The following DCHS1 variants were observed in gnomAD, a reference collection of about 807,000 sequenced individuals.
DCHS1 encodes the protein dachsous cadherin-related 1.
DCHS1 carries 78 observed loss-of-function variants against 213.9 expected under a neutral mutation model. That is an observed-to-expected ratio of 0.36 (90% confidence interval 0.30 to 0.44). DCHS1 has a LOEUF of 0.44. DCHS1 is among the 20% of genes least tolerant of loss of function. The pLI is 1.00. For synonymous variants in DCHS1, 1,828 were observed against 1,873.7 expected, an observed-to-expected ratio of 0.98 and a Z score of 0.63; for missense variants, 3,946 against 4,395.9, an observed-to-expected ratio of 0.90 and a Z score of 2.89.
At chr11:6,629,628 T>C in intron 11 of DCHS1, 44 bp downstream of exon 11, 1 of 1,612,936 alleles carries the variant, frequency 6.2e-7, no homozygotes, top group Non-Finnish European at 8.5e-7. Flanking sequence ...TGCTGTTTCT[T>C]GCCCCAGTCC....
chr11:6,624,085 A>G lies in DCHS1; in HGVS notation c.7591T>C (p.Phe2531Leu), dbSNP rs771287770. 1 of 1,612,684 alleles carries G rather than the reference A, an allele frequency of 6.2e-7. No homozygotes were observed. The highest frequency in any genetic ancestry group is 2.2e-5 in the East Asian group (1 of 44,874). Residue 2531 changes from phenylalanine (F) to leucine (L), a missense_variant, in exon 21 of 21, where the codon TTC becomes CTC. Physicochemically the swap from Phe to Leu is conservative, Grantham distance 22. Coordinates refer to ENST00000299441, the MANE Select transcript of DCHS1 (RefSeq NM_003737.4). ...SIISGNWGRV[F>L]QLEPRLAEAG... ...TCAGCCAGCCTGGGTTCCAGCTGGA[A>G]GACTCGGCCCCAGTTGCCACTGATG...
chr11:6,623,046 G>T lies in DCHS1; in HGVS notation c.8630C>A (p.Pro2877Gln). 1 of 1,576,596 alleles carries T rather than the reference G, an allele frequency of 6.3e-7. No homozygotes were observed. The highest frequency in any genetic ancestry group is 8.6e-7 in the Non-Finnish European group (1 of 1,161,566). The change falls in exon 21 of 21, where the codon CCA becomes CAA. Residue 2877 changes from proline to glutamine, a missense_variant. Transcript: ENST00000299441. The part of the protein sequence containing the change: ...ALYLRVDSRA[P>Q]GSGTATSGGG... Reference sequence around the variant, plus strand: ...CCCAGAGGTGGCTGTTCCGCTGCCTGGTGCCCGACTGTCCACCCGCAGGTA... The same window carrying T: ...CCCAGAGGTGGCTGTTCCGCTGCCTTGTGCCCGACTGTCCACCCGCAGGTA...
At position 6,640,760 on chromosome 11, in the gene DCHS1, C is replaced by G. The variant is rs775149988; in HGVS notation, c.854G>C (p.Gly285Ala). Residue 285 changes from glycine (G) to alanine (A), a missense_variant, in exon 2 of 21, where the codon GGT becomes GCT. Around this residue, in one of 3 missense-constraint regions of DCHS1, gnomAD observed 3,384 missense variants for 3,780.1 expected, o/e 0.90. Transcript: ENST00000299441. This position sits in a 1 kb window ranked among gnomAD's most constrained non-coding sequence, Gnocchi z 6.5. ...CTCGTAAGTCACAGCCCCATTGACA[C>G]CAGCATCGGCATCAGATGCGAACAC... ...LQVFASDADA[G>A]VNGAVTYEIN... 2 of 1,614,042 alleles carry G rather than the reference C, an allele frequency of 1.2e-6. No homozygotes were observed. Among genetic ancestry groups the G allele is most frequent in the East Asian group, 2.2e-5 (1 of 44,882 alleles).
Position 6,627,846 on chromosome 11 carries a change from G to A in DCHS1, c.5372-179C>T, listed in dbSNP as rs1384379304. Among the ~76,000 whole-genome samples the A allele has an allele frequency of 6.6e-6, 1 of 152,246 alleles. No homozygotes were observed. The highest frequency in any genetic ancestry group is 1.5e-5 in the Non-Finnish European group (1 of 68,050). The stretch of plus-strand genomic sequence containing the variant: ...ATAAAGCAGCTGGTATCATTTGTGT[G>A]TGGTCTGGGAACCCCGGGAGTCCCC... On this transcript the variant is annotated intron_variant, in intron 13 of 20. Coordinates refer to ENST00000299441, the MANE Select transcript of DCHS1 (RefSeq NM_003737.4). The surrounding 1 kb of genome is among the most constrained non-coding windows in gnomAD (Gnocchi z 5.4).
intron 1 of DCHS1, among the ~76,000 whole-genome samples, chr11:6,654,580 T>C (rs1856288165): frequency 6.6e-6 from 1 of 151,974 alleles, no homozygotes; most frequent in Admixed American, 6.5e-5. Flanking sequence ...TCCGTAGGTG[T>C]GTGTTGGCTT....
Position 6,640,832 on chromosome 11 carries a change from T to C in DCHS1, c.782A>G (p.His261Arg). The C allele has an allele frequency of 1.2e-6, 2 of 1,614,004 alleles. No homozygotes were observed. The highest frequency in any genetic ancestry group is 2.2e-5 in the South Asian group (2 of 91,086). The part of the protein sequence containing the change: ...HAPAFNQSRY[H>R]AVVSESLAPG... Reference sequence around the variant, plus strand: ...GGCCAGGCTCTCAGACACCACAGCATGGTAGCGGCTCTGATTGAAAGCCGG... The same window carrying C: ...GGCCAGGCTCTCAGACACCACAGCACGGTAGCGGCTCTGATTGAAAGCCGG... Residue 261 changes from histidine to arginine, a missense_variant, in exon 2 of 21, where the codon CAT becomes CGT. Coordinates refer to ENST00000299441, the MANE Select transcript of DCHS1 (RefSeq NM_003737.4). The surrounding 1 kb of genome is among the most constrained non-coding windows in gnomAD (Gnocchi z 6.5).
Position 6,626,428 on chromosome 11 carries a change from G to C in DCHS1, c.6365-48C>G, listed in dbSNP as rs1412321991. The C allele has an allele frequency of 6.2e-7, 1 of 1,606,386 alleles. No homozygotes were observed. The highest frequency in any genetic ancestry group is 1.3e-5 in the African/African-American group (1 of 74,724). ...GTGATAGCCCCCTTTGCTTGCCCTG[G>C]AGCCTCCTTCTCTAAGACCCCTTAC... On this transcript the variant is annotated intron_variant, in intron 15 of 20. Transcript: ENST00000299441. The surrounding 1 kb of genome is among the most constrained non-coding windows in gnomAD (Gnocchi z 5.2).
At chr11:6,646,784 G>A (rs537075140) in intron 1 of DCHS1, among the ~76,000 whole-genome samples, 6 of 152,268 alleles carry the variant, frequency 3.9e-5, no homozygotes, top group Admixed American at 3.3e-4. Flanking sequence ...GGGCAAGACT[G>A]TTCATTGGGG....
chr11:6,629,821 C>T lies in DCHS1; in HGVS notation c.4886G>A (p.Arg1629His), dbSNP rs1308727992. The change falls in exon 11 of 21, where the codon CGC becomes CAC. Residue 1629 changes from arginine (R) to histidine (H), a missense_variant. By Grantham distance (29) the Arg-to-His change is conservative. Coordinates refer to ENST00000299441, the MANE Select transcript of DCHS1 (RefSeq NM_003737.4). ...GACGGTCAGGACCTGCGTGGCCGAG[C>T]GCGGCGGGGAGCCGTGGTCTGAGGC... ...VVASDHGSPPRSATQVLTVSV... is the reference protein window; with the variant it reads ...VVASDHGSPPHSATQVLTVSV... 2 of 1,612,936 alleles carry T rather than the reference C, an allele frequency of 1.2e-6. No homozygotes were observed. The highest frequency in any genetic ancestry group is 1.6e-4 in the Middle Eastern group (1 of 6,084).
At position 6,623,480 on chromosome 11, in the gene DCHS1, G is replaced by A. The variant is rs74850790; in HGVS notation, c.8196C>T (p.Asp2732=). 2,286 of 1,586,338 alleles carry A rather than the reference G, an allele frequency of 1.4e-3. 45 individuals carry two copies. The African/African-American group carries it at 0.026, about 18-fold the overall frequency. The change falls in exon 21 of 21, where the codon GAC becomes GAT. Residue 2732 remains aspartate (D), a synonymous_variant. Coordinates refer to ENST00000299441, the MANE Select transcript of DCHS1 (RefSeq NM_003737.4). ...GCCTCCCAAAAGCCCCAGCATCCCC[G>A]TCGATTGCATGCAGAGTGGTCACGA... ...GTLVTTLHAI[D]GDAGAFGRLR...
At chr11:6,649,530 G>C (rs376275653) in intron 1 of DCHS1, among the ~76,000 whole-genome samples, 1 of 151,816 alleles carries the variant, frequency 6.6e-6, no homozygotes, top group Non-Finnish European at 1.5e-5. Flanking sequence ...AGAGGAGGTC[G>C]TAGGGTACAC....
Position 6,622,444 on chromosome 11 carries a change from C to T in DCHS1, c.9232G>A (p.Asp3078Asn). 6.4e-7 allele frequency: 1 copy of T among 1,559,172 alleles called. No homozygotes were observed. Among genetic ancestry groups the T allele is most frequent in the African/African-American group, 1.4e-5 (1 of 73,816 alleles). Residue 3078 changes from aspartate to asparagine, a missense_variant, in exon 21 of 21, where the codon GAC becomes AAC. By Grantham distance (23) the Asp-to-Asn change is conservative. Coordinates refer to ENST00000299441, the MANE Select transcript of DCHS1 (RefSeq NM_003737.4). The surrounding 1 kb of genome is among the most constrained non-coding windows in gnomAD (Gnocchi z 5.4). ...GIQQDADGLS[D>N]TSCEPPAPDT... is the part of the protein sequence containing the mutation. ...GGGGCAGGTGGTTCGCAGGATGTGT[C>T]ACTCAGACCATCTGCATCCTGCTGG... is the stretch of plus-strand genomic sequence containing the variant.
In DCHS1 at chr11:6,631,166, G is replaced by C. The variant is rs1344613511; in HGVS notation, c.3817C>G (p.Leu1273Val). The change falls in exon 9 of 21, where the codon CTG (leucine) becomes GTG (valine). Residue 1273 changes from leucine (L) to valine (V), a missense_variant. This residue lies in a region of DCHS1 where 3,384 missense variants were observed against 3,780.1 expected (regional missense o/e 0.90). Transcript: ENST00000299441. ...LFSLHPHSGE[L>V]LTAAPLIRAE... The stretch of plus-strand genomic sequence containing the variant: ...CGGATCAGGGGAGCTGCAGTGAGCA[G>C]CTCCCCTGAGTGAGGGTGCAGAGAG... The C allele has an allele frequency of 6.2e-7, 1 of 1,611,586 alleles. No homozygotes were observed. Among genetic ancestry groups the C allele is most frequent in the Non-Finnish European group, 8.5e-7 (1 of 1,178,514 alleles).
intron 1 of DCHS1, among the ~76,000 whole-genome samples, chr11:6,653,927 A>G (rs1402303564): frequency 1.3e-5 from 2 of 152,178 alleles, no homozygotes; most frequent in African/African-American, 4.8e-5. Flanking sequence ...GTGGGTAGAG[A>G]GAGGAATGCA....
At position 6,633,646 on chromosome 11, in the gene DCHS1, G is replaced by A. The variant is rs1855946314; in HGVS notation, c.2221C>T (p.Leu741=). 1 of 1,602,632 alleles carries A rather than the reference G, an allele frequency of 6.2e-7. No individual in the cohort carries two copies. The highest frequency in any genetic ancestry group is 1.3e-5 in the African/African-American group (1 of 74,698). The change falls in exon 5 of 21, where the codon CTG becomes TTG. Residue 741 remains leucine (L), a splice_region_variant and synonymous_variant. Transcript: ENST00000299441. ...GCCAAGGGCCAGGCTACTGTCAACAGCCCTGAGAGGAAGAATAGAAGCAGA... is the reference window on the plus strand; with the variant it reads ...GCCAAGGGCCAGGCTACTGTCAACAACCCTGAGAGGAAGAATAGAAGCAGA... The part of the protein sequence containing the change: ...PLFTLDEQSG[L]LTVAWPLARR...
Position 6,621,933 on chromosome 11 carries a change from G to A in DCHS1, c.9743C>T (p.Ala3248Val), listed in dbSNP as rs1195564759. ...PISHEGSLSS[A>V]AMSPSFSPSL... Reference sequence around the variant, plus strand: ...GGGTGAGAAGCTGGGGGACATGGCAGCTGAGGACAGGGAGCCTTCATGGCT... The same window carrying A: ...GGGTGAGAAGCTGGGGGACATGGCAACTGAGGACAGGGAGCCTTCATGGCT... Residue 3248 changes from alanine to valine, a missense_variant, in exon 21 of 21, where the codon GCT becomes GTT. Coordinates refer to ENST00000299441, the MANE Select transcript of DCHS1 (RefSeq NM_003737.4). 1 of 1,613,436 alleles carries A rather than the reference G, an allele frequency of 6.2e-7. No individual in the cohort carries two copies. The highest frequency in any genetic ancestry group is 8.5e-7 in the Non-Finnish European group (1 of 1,179,764).
intron 1 of DCHS1, among the ~76,000 whole-genome samples, chr11:6,643,536 C>G (rs1439623759): frequency 6.6e-6 from 1 of 152,166 alleles, no homozygotes; most frequent in African/African-American, 2.4e-5. Context: ...CCTCTTATTT[C>G]CATCATGCTT....
In DCHS1 at chr11:6,623,037, C is replaced by A. The variant is rs775960275; in HGVS notation, c.8639G>T (p.Gly2880Val). Residue 2880 changes from glycine to valine, a missense_variant, in exon 21 of 21, where the codon GGA (glycine) becomes GTA (valine). Physicochemically the swap from Gly to Val is moderately radical, Grantham distance 109. Coordinates refer to ENST00000299441, the MANE Select transcript of DCHS1 (RefSeq NM_003737.4). ...LRVDSRAPGS[G>V]TATSGGGGRT... Reference sequence around the variant, plus strand: ...GCCCCCACCCCCAGAGGTGGCTGTTCCGCTGCCTGGTGCCCGACTGTCCAC... The same window carrying A: ...GCCCCCACCCCCAGAGGTGGCTGTTACGCTGCCTGGTGCCCGACTGTCCAC... 9 of 1,574,210 alleles carry A rather than the reference C, an allele frequency of 5.7e-6. No homozygotes were observed. The African/African-American group carries it at 1.1e-4, about 19-fold the overall frequency.
Position 6,621,548 on chromosome 11 carries a change from C to T in DCHS1, c.*231G>A, listed in dbSNP as rs1163092459. The T allele has an allele frequency of 4.4e-6, 3 of 679,494 alleles. No homozygotes were observed. The highest frequency in any genetic ancestry group is 3.1e-5 in the South Asian group (2 of 65,290). The allele number at this position is 679,494 out of a possible 1,614,324, so 42.1% of individuals were successfully genotyped here. ...CACTGAGGAGAACCCAGGGCTGCTA[C>T]CTCCTTCATATTTCTCCCCACATTG... On this transcript the variant is annotated 3_prime_UTR_variant, in exon 21 of 21. Coordinates refer to ENST00000299441, the MANE Select transcript of DCHS1 (RefSeq NM_003737.4).
Sources: gnomAD v4.1 joint callset for allele counts (sites outside exome capture counted in the v4.1 genomes callset) on GRCh38, gnomAD v4.1.1 for gene constraint, gnomAD v4.1.1 regional missense constraint, Gnocchi (gnomAD v3.1) non-coding constraint, MANE v1.5 for transcripts, NCBI Gene and HGNC (gene_info 2026-07-23, HGNC 2026-07-21) for gene names.